The following FARP2 variants were observed in gnomAD, a reference collection of about 807,000 sequenced individuals.
FARP2 encodes the protein FERM, ARHGEF and pleckstrin domain-containing protein 2.
A neutral mutation model predicts 130.5 loss-of-function variants in FARP2; 111 were observed. That is an observed-to-expected ratio of 0.85 (90% confidence interval 0.73 to 1.00). The LOEUF (loss-of-function observed/expected upper bound fraction) is 1.00, where lower values mean the gene tolerates loss of function less well. Ranked by LOEUF, FARP2 falls within the 50% of genes least tolerant of loss-of-function variation. The pLI is 0.00. For missense variants in FARP2, 1,385 were observed against 1,346.3 expected (o/e 1.03, Z -0.45); for synonymous variants, 504 against 516.9 (o/e 0.98, Z 0.34).
chr2:241,393,116 T>C (rs1374540041), intron 2 of FARP2, among the ~76,000 whole-genome samples: 1 of 151,402 alleles, frequency 6.6e-6, no homozygotes, highest in Non-Finnish European at 1.5e-5. Flanking sequence ...GCCTCCTGGG[T>C]TCAAGCAATT....
At chr2:241,476,189 A>C (rs560812119) in intron 19 of FARP2, among the ~76,000 whole-genome samples, 103 of 148,700 alleles carry the variant, frequency 6.9e-4, no homozygotes, top group African/African-American at 2.5e-3. Context: ...ACTGAGCAAC[A>C]CAGGGAAACC....
intron 7 of FARP2, among the ~76,000 whole-genome samples, chr2:241,414,346 G>T (rs140593028): frequency 6.6e-6 from 1 of 152,348 alleles, no homozygotes; most frequent in Non-Finnish European, 1.5e-5. Context: ...AGTCACCAAA[G>T]GGGAGCACTC....
At chr2:241,383,222 T>C (rs1274997679) in intron 2 of FARP2, among the ~76,000 whole-genome samples, 1 of 152,230 alleles carries the variant, frequency 6.6e-6, no homozygotes, top group Non-Finnish European at 1.5e-5. Context: ...CTCTGCCTCC[T>C]TGCGCTTGTT....
chr2:241,399,968 A>G (rs1381294107), intron 2 of FARP2, among the ~76,000 whole-genome samples: 2 of 151,696 alleles, frequency 1.3e-5, no homozygotes, highest in African/African-American at 2.4e-5. Context: ...TTGTGTGTAT[A>G]TATACAAATA....
At chr2:241,385,879 T>A (rs1347012255) in intron 2 of FARP2, among the ~76,000 whole-genome samples, 1 of 152,238 alleles carries the variant, frequency 6.6e-6, no homozygotes, top group African/African-American at 2.4e-5. Context: ...TCACTACTTC[T>A]GTCCTTTTGA....
intron 8 of FARP2, among the ~76,000 whole-genome samples, chr2:241,421,496 G>A (rs752900498): frequency 5.3e-5 from 8 of 152,190 alleles, no homozygotes; most frequent in Admixed American, 1.3e-4. Context: ...AAGTTCCTGC[G>A]GGGGCGGGGT....
chr2:241,435,535 G>A (rs1402343217), intron 11 of FARP2, among the ~76,000 whole-genome samples: 7 of 140,352 alleles, frequency 5.0e-5, no homozygotes, highest in African/African-American at 1.6e-4. Flanking sequence ...TTTTTGAGAC[G>A]GAGTCTCGCT....
At chr2:241,486,452 ACCT>A (rs1265348356) in intron 21 of FARP2, among the ~76,000 whole-genome samples, 1 of 110,704 alleles carries the variant, frequency 9.0e-6, no homozygotes, top group African/African-American at 3.6e-5. Context: ...ACAGAGTGAG[ACCT>A]CGTCTCAAAA....
chr2:241,393,691 C>G (rs1360672495), intron 2 of FARP2, among the ~76,000 whole-genome samples: 1 of 152,112 alleles, frequency 6.6e-6, no homozygotes, highest in African/African-American at 2.4e-5. Context: ...AAAGCTGTTT[C>G]AAGAAGAATT....
intron 23 of FARP2, 77 bp downstream of exon 23, chr2:241,491,256 TC>T: frequency 9.1e-7 from 1 of 1,097,504 alleles, no homozygotes; most frequent in Non-Finnish European, 1.4e-6. Flanking sequence ...TTTTCCTTGG[TC>T]CCCATTGGCC....
At position 241,494,401 on chromosome 2, in the gene FARP2, CA is replaced by C; in HGVS notation, c.*279del. 3.6e-6 allele frequency: 1 copy of C among 277,812 alleles called. No homozygotes were observed. Among genetic ancestry groups the C allele is most frequent in the Non-Finnish European group, 6.7e-6 (1 of 148,258 alleles). The allele number at this position is 277,812 out of a possible 1,614,324, so 17.2% of individuals were successfully genotyped here. ...AGCCACAGCTCCCAGGCCCCTGGCT[CA>C]AAGACGCAGACAAGGCCTGAGCAGT... On this transcript the variant is annotated 3_prime_UTR_variant, in exon 27 of 27. Coordinates refer to ENST00000264042, the MANE Select transcript of FARP2 (RefSeq NM_014808.4). This position sits in a 1 kb window ranked among gnomAD's most constrained non-coding sequence, Gnocchi z 4.9.
rs776438616 is a variant in FARP2, at chr2:241,468,348, C to T, written c.2102C>T (p.Pro701Leu). The stretch of plus-strand genomic sequence containing the variant: ...CGCCGCCTATGCGGACATTACAGCC[C>T]CGGGCACCATGACTACGCTGACTGC... ...LLRRLCGHYSPGHHDYADCHD... is the reference protein window; with the variant it reads ...LLRRLCGHYSLGHHDYADCHD... The change falls in exon 18 of 27, where the codon CCC becomes CTC. Residue 701 changes from proline (P) to leucine (L), a missense_variant. Pro to Leu is a moderately conservative substitution (Grantham distance 98). Transcript: ENST00000264042. The T allele has an allele frequency of 5.6e-5, 91 of 1,613,322 alleles. No homozygotes were observed. The East Asian group carries it at 2.0e-3, about 35-fold the overall frequency.
At chr2:241,367,632 C>T (rs946532576) in intron 1 of FARP2, among the ~76,000 whole-genome samples, 16 of 151,910 alleles carry the variant, frequency 1.1e-4, no homozygotes, top group East Asian at 7.7e-4. Flanking sequence ...TTGGGTTGGT[C>T]GTAGAGGAGT....
chr2:241,450,503 T>TA (rs1252123892), intron 13 of FARP2, among the ~76,000 whole-genome samples: 1 of 151,020 alleles, frequency 6.6e-6, no homozygotes, highest in Admixed American at 6.6e-5. Context: ...CCGTCTCTAC[T>TA]AAAAATACGA....
At chr2:241,453,757 T>G in intron 13 of FARP2, among the ~76,000 whole-genome samples, 1 of 134,646 alleles carries the variant, frequency 7.4e-6, no homozygotes, top group Admixed American at 8.0e-5. Context: ...TTACTGGGAG[T>G]GGCACTTACT....
At chr2:241,417,242 G>A (rs1228250794) in intron 7 of FARP2, among the ~76,000 whole-genome samples, 3 of 151,088 alleles carry the variant, frequency 2.0e-5, no homozygotes, top group South Asian at 4.2e-4. Flanking sequence ...AGGTTGCAGT[G>A]AGCCAAGATT....
chr2:241,437,670 A>ATTTTTTTTATTT (rs2063273829), intron 12 of FARP2, among the ~76,000 whole-genome samples: 1 of 133,112 alleles, frequency 7.5e-6, no homozygotes, highest in South Asian at 2.3e-4. Flanking sequence ...TTATTTATTT[A>ATTTTTTTTATTT]TTTTTTTTTT....
rs74595402 is a variant in FARP2, at chr2:241,418,537, T to C, written c.771+428T>C. Reference sequence around the variant, plus strand: ...TGATCTGGGCTGGACTGTGAGCGCTTTAGAGTGGGTTACAGTAATCATTTC... The same window carrying C: ...TGATCTGGGCTGGACTGTGAGCGCTCTAGAGTGGGTTACAGTAATCATTTC... On this transcript the variant is annotated intron_variant, in intron 8 of 26. Coordinates refer to ENST00000264042, the MANE Select transcript of FARP2 (RefSeq NM_014808.4). 4.7e-3 allele frequency among the ~76,000 whole-genome samples: 718 copies of C among 152,248 alleles called. 3 individuals are homozygous for C. The highest frequency in any genetic ancestry group is 0.016 in the African/African-American group (685 of 41,544).
chr2:241,452,126 C>G (rs1433256612), intron 13 of FARP2, among the ~76,000 whole-genome samples: 1 of 152,184 alleles, frequency 6.6e-6, no homozygotes, highest in Admixed American at 6.5e-5. Flanking sequence ...GCACTACGGC[C>G]AAGTGTCCTT....
Sources: allele counts gnomAD v4.1 joint callset (sites outside exome capture counted in the v4.1 genomes callset), GRCh38; gene constraint gnomAD v4.1.1; non-coding constraint Gnocchi (gnomAD v3.1); transcripts MANE v1.5; gene names NCBI Gene and HGNC (gene_info 2026-07-23, HGNC 2026-07-21).